FAM13A: variants seen among roughly 807,000 people sequenced by gnomAD.
The protein encoded by FAM13A is protein FAM13A.
A neutral mutation model predicts 129.6 loss-of-function variants in FAM13A; 76 were observed. The ratio of observed to expected loss-of-function variants is 0.59; its 90% CI spans 0.49 to 0.71. The LOEUF (loss-of-function observed/expected upper bound fraction) is 0.71. Among genes scored for constraint, FAM13A ranks in the 30% least tolerant of loss-of-function variants. FAM13A has a pLI of 0.00. For synonymous variants in FAM13A, 443 were observed against 449.9 expected (o/e 0.98, Z 0.20); for missense variants, 1,108 against 1,249.3 (o/e 0.89, Z 1.70).
At chr4:89,031,144 T>C (rs1768626570) in intron 1 of FAM13A, among the ~76,000 whole-genome samples, 1 of 152,208 alleles carries the variant, frequency 6.6e-6, no homozygotes, top group African/African-American at 2.4e-5. Context: ...TTGTAACAGT[T>C]AATAATTTCT....
intron 3 of FAM13A, among the ~76,000 whole-genome samples, chr4:89,003,880 T>C (rs1465055186): frequency 6.6e-6 from 1 of 151,960 alleles, no homozygotes; most frequent in African/African-American, 2.4e-5. Flanking sequence ...TTTAACACTA[T>C]ATTATCAAAT....
intron 2 of FAM13A, among the ~76,000 whole-genome samples, chr4:89,024,939 T>G (rs1278016480): frequency 2.0e-5 from 3 of 152,222 alleles, no homozygotes; most frequent in African/African-American, 7.2e-5. Flanking sequence ...CTATTTCACA[T>G]CCCTCATTAA....
intron 5 of FAM13A, among the ~76,000 whole-genome samples, chr4:88,908,464 G>C (rs1225440174): frequency 6.6e-6 from 1 of 152,176 alleles, no homozygotes; most frequent in East Asian, 1.9e-4. Context: ...GTCTATGACT[G>C]TCTGAGTGTT....
rs563735988 is a variant in FAM13A at position 89,016,407 on chromosome 4, A to G, written c.427+4053T>C. Reference sequence around the variant, plus strand: ...TAAGCTAAGGTCTATTACTGAAGACAAAACAAATTTTTAAATAAATTTAGT... The same window carrying G: ...TAAGCTAAGGTCTATTACTGAAGACGAAACAAATTTTTAAATAAATTTAGT... On this transcript the variant is annotated intron_variant, in intron 3 of 23. Coordinates refer to ENST00000264344, the MANE Select transcript of FAM13A (RefSeq NM_014883.4). Among the ~76,000 whole-genome samples the G allele has an allele frequency of 5.3e-5, 8 of 152,310 alleles. No homozygotes were observed. The South Asian group carries it at 1.2e-3, about 24-fold the overall frequency.
Position 88,776,696 on chromosome 4 carries a change from C to T in FAM13A, c.1458+4469G>A, listed in dbSNP as rs557173812. 4.6e-5 allele frequency among the ~76,000 whole-genome samples: 7 copies of T among 151,998 alleles called. No individual in the cohort carries two copies. In the South Asian group the frequency reaches 6.2e-4, roughly 14 times the overall value. On this transcript the variant is annotated intron_variant, in intron 11 of 23. Coordinates refer to ENST00000264344, the MANE Select transcript of FAM13A (RefSeq NM_014883.4). The stretch of plus-strand genomic sequence containing the variant: ...TATTTAAGATTATGCACCTAGTGGC[C>T]GAGTGTGGTGGCTCATGCCTGTAAT...
chr4:88,916,561 TCTA>T (rs201284351), intron 5 of FAM13A, among the ~76,000 whole-genome samples: 1,807 of 152,340 alleles, frequency 0.012, 11 homozygotes, highest in Non-Finnish European at 0.018. Context: ...TTAGAGAGGC[TCTA>T]CTTTTTATTT....
chr4:88,836,913 T>C (rs866077875), intron 7 of FAM13A, among the ~76,000 whole-genome samples: 27 of 152,048 alleles, frequency 1.8e-4, no homozygotes, highest in African/African-American at 6.0e-4. Flanking sequence ...AGGGCCGAGA[T>C]TGTGCCACTG....
At chr4:89,042,785 T>C (rs1770329503) in intron 1 of FAM13A, among the ~76,000 whole-genome samples, 1 of 152,226 alleles carries the variant, frequency 6.6e-6, no homozygotes, top group East Asian at 1.9e-4. Context: ...TTGATTTCTT[T>C]ATCCAAAAAA....
chr4:88,850,280 C>T (rs994318883), intron 7 of FAM13A, among the ~76,000 whole-genome samples: 39 of 152,142 alleles, frequency 2.6e-4, no homozygotes, highest in African/African-American at 8.9e-4. Context: ...TGTGGCCGGG[C>T]GTGGTGGCTC....
chr4:88,932,448 C>T (rs1049592548), intron 5 of FAM13A, among the ~76,000 whole-genome samples: 1 of 152,128 alleles, frequency 6.6e-6, no homozygotes, highest in Non-Finnish European at 1.5e-5. Flanking sequence ...CTGTAAGGTC[C>T]CCCAAGGACA....
rs1277466403 is a variant in FAM13A, at chr4:88,731,274, G to GGT, written c.2945+51_2945+52dup. On this transcript the variant is annotated intron_variant, in intron 23 of 23. Transcript: ENST00000264344. The stretch of plus-strand genomic sequence containing the variant: ...ATCTGACAGAAAAACAAGAGGGATG[G>GGT]GTGTGTGTGGTGCGGCGGGGGGGAA... 1.1e-4 allele frequency: 108 copies of GGT among 964,606 alleles called. 1 individual carries two copies. In the East Asian group the frequency reaches 2.3e-3, roughly 21 times the overall value. 59.8% of individuals were successfully genotyped at this position (964,606 alleles called of 1,614,324 possible).
At chr4:88,730,001 A>G (rs1737301086) in intron 23 of FAM13A, 1 of 152,190 alleles carries the variant, frequency 6.6e-6, no homozygotes, top group South Asian at 2.1e-4. Context: ...GTGTTTAGGT[A>G]TAAAAATATA....
chr4:88,983,608 G>A (rs1311121883), intron 4 of FAM13A, among the ~76,000 whole-genome samples: 1 of 152,074 alleles, frequency 6.6e-6, no homozygotes, highest in Non-Finnish European at 1.5e-5. Flanking sequence ...TGCAAAACTT[G>A]TACCCTGAAA....
intron 4 of FAM13A, among the ~76,000 whole-genome samples, chr4:88,950,352 G>A (rs1334234804): frequency 2.0e-5 from 3 of 151,684 alleles, no homozygotes; most frequent in African/African-American, 4.8e-5. Context: ...AGGTGTGCAC[G>A]GCTGTACCCA....
At chr4:89,043,900 G>A (rs189545290) in intron 1 of FAM13A, among the ~76,000 whole-genome samples, 1 of 152,152 alleles carries the variant, frequency 6.6e-6, no homozygotes, top group East Asian at 1.9e-4. Flanking sequence ...GCAAGACCCT[G>A]TCTCTACAAA....
chr4:88,926,756 T>C (rs1370283125), intron 5 of FAM13A, among the ~76,000 whole-genome samples: 1 of 152,234 alleles, frequency 6.6e-6, no homozygotes, highest in East Asian at 1.9e-4. Context: ...ATGAAGTAAC[T>C]TTTAATATTA....
At chr4:88,904,006 T>A (rs1747748266) in intron 6 of FAM13A, among the ~76,000 whole-genome samples, 1 of 151,918 alleles carries the variant, frequency 6.6e-6, no homozygotes, top group Non-Finnish European at 1.5e-5. Context: ...TGGCCAACAA[T>A]CAGGAAAATA....
At chr4:88,877,855 C>T (rs1257959954) in intron 6 of FAM13A, among the ~76,000 whole-genome samples, 1 of 152,148 alleles carries the variant, frequency 6.6e-6, no homozygotes, top group Non-Finnish European at 1.5e-5. Context: ...TGTACATAGC[C>T]CTTAACAAGG....
intron 4 of FAM13A, among the ~76,000 whole-genome samples, chr4:88,940,099 A>T (rs1754506757): frequency 6.6e-6 from 1 of 152,218 alleles, no homozygotes; most frequent in African/African-American, 2.4e-5. Context: ...AATTTGTTAC[A>T]CTACCATACA....
Sources: allele counts gnomAD v4.1 joint callset (sites outside exome capture counted in the v4.1 genomes callset), GRCh38; gene constraint gnomAD v4.1.1; transcripts MANE v1.5; gene names NCBI Gene and HGNC (gene_info 2026-07-23, HGNC 2026-07-21).